The following ZNF445 variants were observed in gnomAD, a reference collection of about 807,000 sequenced individuals.
The protein encoded by ZNF445 is zinc finger protein 168.
ZNF445 carries 19 observed loss-of-function variants against 93.9 expected under a neutral mutation model. The observed-to-expected ratio is 0.20, with a 90% confidence interval of 0.14 to 0.30. The LOEUF (loss-of-function observed/expected upper bound fraction) is 0.30, where lower values mean the gene tolerates loss of function less well. Ranked by LOEUF, ZNF445 falls within the 10% of genes least tolerant of loss-of-function variation. The pLI is 1.00. For synonymous variants in ZNF445, 449 were observed against 446.3 expected, an observed-to-expected ratio of 1.01 and a Z score of -0.08; for missense variants, 1,058 against 1,259.4, an observed-to-expected ratio of 0.84 and a Z score of 2.42.
intron 1 of ZNF445, among the ~76,000 whole-genome samples, chr3:44,475,288 T>A (rs978386125): frequency 6.6e-6 from 1 of 152,074 alleles, no homozygotes; most frequent in Non-Finnish European, 1.5e-5. Flanking sequence ...AACCTCCGCC[T>A]CCTGGGTTCA....
At chr3:44,460,437 A>G (rs1698096153) in intron 1 of ZNF445, among the ~76,000 whole-genome samples, 2 of 152,234 alleles carry the variant, frequency 1.3e-5, no homozygotes, top group African/African-American at 2.4e-5. Flanking sequence ...GGAGTCATGT[A>G]GCTGGAAGCT....
intron 7 of ZNF445, 45 bp downstream of exon 7, chr3:44,449,468 G>C (rs367641995): frequency 8.0e-5 from 116 of 1,457,674 alleles, no homozygotes; most frequent in Middle Eastern, 1.7e-4. Flanking sequence ...AAAGAGAAAA[G>C]TAAAAGCAGG....
intron 1 of ZNF445, among the ~76,000 whole-genome samples, chr3:44,474,176 T>C (rs917662706): frequency 4.6e-5 from 7 of 152,178 alleles, no homozygotes; most frequent in South Asian, 2.1e-4. Context: ...GTGGTAAAAC[T>C]TGACAGAAAA....
In ZNF445 at chr3:44,447,468, T is replaced by C. The variant is rs1241739112; in HGVS notation, c.2203A>G (p.Arg735Gly). The change falls in exon 8 of 8, where the codon AGA becomes GGA. Residue 735 changes from arginine to glycine, a missense_variant. Transcript: ENST00000396077. The surrounding 1 kb of genome is among the most constrained non-coding windows in gnomAD (Gnocchi z 4.7). ...AAAGATGGCCCGCCCTCAGGTTTTC[T>C]TTTCATGGCATGCTTCTTCTTATGA... ...IVHKKKHAMK[R>G]KPEGGPSFSQ... 4 of 1,614,206 alleles carry C rather than the reference T, an allele frequency of 2.5e-6. No homozygotes were observed. The highest frequency in any genetic ancestry group is 3.4e-6 in the Non-Finnish European group (4 of 1,180,032).
rs2125679019 is a variant in ZNF445 at position 44,449,520 on chromosome 3, A to G, written c.924T>C (p.Ala308=). 1.2e-6 allele frequency: 2 copies of G among 1,613,970 alleles called. No individual in the cohort carries two copies. Among genetic ancestry groups the G allele is most frequent in the Non-Finnish European group, 1.7e-6 (2 of 1,179,820 alleles). Residue 308 remains alanine (A), a synonymous_variant, in exon 7 of 8, where the codon GCT becomes GCC. Coordinates refer to ENST00000396077, the MANE Select transcript of ZNF445 (RefSeq NM_181489.6). ...AGGTTCTCTGGAACTCACCTGTAGG[A>G]GCAGCAACTGGATTCCCCTTAGGCT... The part of the protein sequence containing the change: ...AAQPKGNPVA[A]PTGDDLQSKT...
At chr3:44,455,848 A>G (rs2125680992) in intron 2 of ZNF445, 152 bp from the exon 3 acceptor site, 1 of 310,016 alleles carries the variant, frequency 3.2e-6, no homozygotes, top group South Asian at 1.2e-4. Context: ...CCCCTATTGG[A>G]GTAAGCTAAG....
chr3:44,460,934 G>A (rs1401552629), intron 1 of ZNF445, among the ~76,000 whole-genome samples: 2 of 152,178 alleles, frequency 1.3e-5, no homozygotes, highest in African/African-American at 2.4e-5. Context: ...CCAGAAGCCA[G>A]CCCAAGCAGC....
intron 3 of ZNF445, 49 bp from the exon 4 acceptor site, chr3:44,451,531 C>T (rs370229018): frequency 6.4e-7 from 1 of 1,572,012 alleles, no homozygotes; most frequent in Non-Finnish European, 8.7e-7. Flanking sequence ...AATCAGAAAG[C>T]AAACTCAGAG....
At chr3:44,466,913 C>T (rs1698203978) in intron 1 of ZNF445, among the ~76,000 whole-genome samples, 1 of 152,060 alleles carries the variant, frequency 6.6e-6, no homozygotes, top group South Asian at 2.1e-4. Context: ...TGCTGTATGC[C>T]ACAGAAGTAA....
At chr3:44,473,490 C>CACACACACAA (rs774842477) in intron 1 of ZNF445, among the ~76,000 whole-genome samples, 137 of 57,006 alleles carry the variant, frequency 2.4e-3, no homozygotes, top group African/African-American at 5.6e-3. Context: ...CACACACACA[C>CACACACACAA]AAAAAATGCT....
chr3:44,455,083 C>T (rs1412566949), intron 3 of ZNF445, 38 bp downstream of exon 3: 2 of 1,613,140 alleles, frequency 1.2e-6, no homozygotes, highest in African/African-American at 2.7e-5. Flanking sequence ...CACTAGCAGG[C>T]AGAGTTCCCT....
chr3:44,461,533 A>G (rs961151454), intron 1 of ZNF445, among the ~76,000 whole-genome samples: 4 of 152,162 alleles, frequency 2.6e-5, no homozygotes, highest in Non-Finnish European at 5.9e-5. Context: ...GATGAGCTCT[A>G]AAGAAGACTC....
Position 44,448,342 on chromosome 3 carries a change from GC to G in ZNF445, c.1328del (p.Gly443AlafsTer12). The G allele has an allele frequency of 6.2e-7, 1 of 1,614,184 alleles. No homozygotes were observed. Among genetic ancestry groups the G allele is most frequent in the Non-Finnish European group, 8.5e-7 (1 of 1,180,038 alleles). On this transcript the variant is annotated frameshift_variant, in exon 8 of 8. Coordinates refer to ENST00000396077, the MANE Select transcript of ZNF445 (RefSeq NM_181489.6). LOFTEE classifies it high-confidence loss of function. ...YGKGLRHMIG[G>X]FSLHQRIHSG... is the part of the protein sequence containing the mutation. ...TATGAATTCTCTGATGTAGGCTGAA[GC>G]CCCCAATCATGTGTCTGAGCCCCTT...
At position 44,455,798 on chromosome 3, in the gene ZNF445, A is replaced by G. The variant is rs9861546; in HGVS notation, c.-147-102T>C. Reference sequence around the variant, plus strand: ...TATATATAAGAAGAGCGTTTGCACAAAGGTATATGCCAGTATCAAGTAGAC... The same window carrying G: ...TATATATAAGAAGAGCGTTTGCACAGAGGTATATGCCAGTATCAAGTAGAC... On this transcript the variant is annotated intron_variant, in intron 2 of 7. Coordinates refer to ENST00000396077, the MANE Select transcript of ZNF445 (RefSeq NM_181489.6). 5.1e-3 allele frequency: 2,322 copies of G among 454,650 alleles called. 46 individuals carry two copies. The highest frequency in any genetic ancestry group is 0.043 in the African/African-American group (2,146 of 50,218). 28.2% of individuals were successfully genotyped at this position (454,650 alleles called of 1,614,324 possible).
chr3:44,447,269 C>T lies in ZNF445; in HGVS notation c.2402G>A (p.Trp801Ter), dbSNP rs1320739970. ...KCRECGKAFR[W>*]SSNLYRHQRI... ...CTGATGTCGGTAGAGATTGGAACTC[C>T]ATCTGAAGGCTTTCCCACACTCCCT... Residue 801 changes from tryptophan (W) to a stop codon, truncating the protein, a stop_gained, in exon 8 of 8, where the codon TGG becomes TAG. Transcript: ENST00000396077. LOFTEE classifies it high-confidence loss of function. The surrounding 1 kb of genome is among the most constrained non-coding windows in gnomAD (Gnocchi z 4.7). 6.2e-7 allele frequency: 1 copy of T among 1,614,034 alleles called. No homozygotes were observed. The highest frequency in any genetic ancestry group is 8.5e-7 in the Non-Finnish European group (1 of 1,180,036).
In ZNF445 at chr3:44,437,512, A is replaced by G. The variant is rs1311420776; in HGVS notation, c.*9063T>C. On this transcript the variant is annotated 3_prime_UTR_variant, in exon 8 of 8. Transcript: ENST00000396077. The stretch of plus-strand genomic sequence containing the variant: ...GCAAAAACAAGTTTATTAAGAAAGT[A>G]AAGTGGTGAAAGGACAGCTACTCCA... The G allele has an allele frequency of 6.6e-6, 1 of 152,170 alleles. No homozygotes were observed. The highest frequency in any genetic ancestry group is 1.5e-5 in the Non-Finnish European group (1 of 68,036). 9.4% of individuals were successfully genotyped at this position (152,170 alleles called of 1,614,324 possible).
intron 3 of ZNF445, among the ~76,000 whole-genome samples, chr3:44,453,684 C>T (rs982947815): frequency 6.6e-6 from 1 of 152,162 alleles, no homozygotes; most frequent in African/African-American, 2.4e-5. Flanking sequence ...ATCAGCTCCC[C>T]TGTGTGCAGG....
At chr3:44,453,264 T>C (rs988624213) in intron 3 of ZNF445, among the ~76,000 whole-genome samples, 1 of 151,986 alleles carries the variant, frequency 6.6e-6, no homozygotes, top group African/African-American at 2.4e-5. Flanking sequence ...TATATGTATA[T>C]GTATGAAAGT....
intron 1 of ZNF445, among the ~76,000 whole-genome samples, chr3:44,474,501 C>A (rs1575319839): frequency 6.6e-6 from 1 of 152,026 alleles, no homozygotes; most frequent in East Asian, 1.9e-4. Flanking sequence ...GCAACAAGAG[C>A]AAAATTCCGT....
Sources: gnomAD v4.1 joint callset for allele counts (sites outside exome capture counted in the v4.1 genomes callset) on GRCh38, gnomAD v4.1.1 for gene constraint, Gnocchi (gnomAD v3.1) non-coding constraint, MANE v1.5 for transcripts, NCBI Gene and HGNC (gene_info 2026-07-23, HGNC 2026-07-21) for gene names.